Variants in SEL1L3 observed in about 807,000 individuals in gnomAD.
The protein encoded by SEL1L3 is protein sel-1 homolog 3.
In SEL1L3, 76 loss-of-function variants were observed where a neutral mutation model predicts 142.8. The ratio of observed to expected loss-of-function variants is 0.53; its 90% CI spans 0.44 to 0.64. The LOEUF (loss-of-function observed/expected upper bound fraction) is 0.64, where lower values mean the gene tolerates loss of function less well. Among genes scored for constraint, SEL1L3 ranks in the 30% least tolerant of loss-of-function variants. The pLI is 0.00. For synonymous variants in SEL1L3, 504 were observed against 519.6 expected (o/e 0.97, Z 0.41); for missense variants, 1,262 against 1,381.7 (o/e 0.91, Z 1.37).
intron 5 of SEL1L3, 134 bp downstream of exon 5, chr4:25,832,861 C>T (rs773044352): frequency 2.5e-4 from 147 of 599,648 alleles, no homozygotes; most frequent in Non-Finnish European, 3.6e-4. Flanking sequence ...ATTTAGCAAG[C>T]GTGTAGTTGT....
chr4:25,818,332 C>T, intron 8 of SEL1L3, 54 bp from the exon 9 acceptor site: 1 of 1,474,060 alleles, frequency 6.8e-7, no homozygotes, highest in Non-Finnish European at 9.1e-7. Context: ...AGATAAGACT[C>T]ACCTCCCTAA....
intron 9 of SEL1L3, among the ~76,000 whole-genome samples, chr4:25,808,964 T>C (rs780352268): frequency 3.3e-5 from 5 of 149,454 alleles, no homozygotes; most frequent in Non-Finnish European, 7.4e-5. Context: ...TCCCATCTAC[T>C]TGGGAGGGTG....
the SEL1L3 span, among the ~76,000 whole-genome samples, chr4:25,714,512 C>CT: frequency 1.5e-5 from 1 of 67,648 alleles, no homozygotes; most frequent in African/African-American, 4.1e-5. Flanking sequence ...TTCTTTCTTT[C>CT]TTTCTTTCTT....
In SEL1L3 at chr4:25,847,599, G is replaced by T. The variant is rs779434297; in HGVS notation, c.428C>A (p.Thr143Lys). 55 of 1,613,830 alleles carry T rather than the reference G, an allele frequency of 3.4e-5. No homozygotes were observed. The highest frequency in any genetic ancestry group is 6.7e-5 in the Admixed American group (4 of 60,002). ...KNEKHLHTSR[T>K]QIVHVKFPSI... ...TGGAAATTTCACATGTACTATTTGT[G>T]TCCTGCTGGTGTGAAGATGTTTCTC... The change falls in exon 2 of 24, where the codon ACA becomes AAA. Residue 143 changes from threonine (T) to lysine (K), a missense_variant. Around this residue, in one of 3 missense-constraint regions of SEL1L3, gnomAD observed 689 missense variants for 692.8 expected, o/e 0.99. Transcript: ENST00000399878.
the SEL1L3 span, among the ~76,000 whole-genome samples, chr4:25,727,571 C>T: frequency 6.6e-6 from 1 of 152,146 alleles, no homozygotes; most frequent in Non-Finnish European, 1.5e-5. Context: ...TCATATATAA[C>T]CAGTGTGGAA....
chr4:25,861,453 A>G (rs1717700504), intron 1 of SEL1L3, among the ~76,000 whole-genome samples: 1 of 152,242 alleles, frequency 6.6e-6, no homozygotes. Context: ...GCTTCAAGAA[A>G]TGAAACATTC....
intron 2 of SEL1L3, among the ~76,000 whole-genome samples, chr4:25,839,212 G>A (rs781481569): frequency 4.6e-5 from 7 of 152,190 alleles, no homozygotes; most frequent in Non-Finnish European, 1.0e-4. Context: ...ATAAAAACTC[G>A]ATTTTCTAGC....
the SEL1L3 span, among the ~76,000 whole-genome samples, chr4:25,740,553 T>C: frequency 7.2e-5 from 11 of 152,312 alleles, no homozygotes; most frequent in Admixed American, 5.2e-4. Flanking sequence ...CTGCTCCAGC[T>C]TGCTCTCTCA....
At chr4:25,736,047 T>C in the SEL1L3 span, among the ~76,000 whole-genome samples, 6 of 151,798 alleles carry the variant, frequency 4.0e-5, no homozygotes, top group Non-Finnish European at 7.4e-5. Context: ...GCCAGGATGG[T>C]CTCCATCTCC....
intron 16 of SEL1L3, among the ~76,000 whole-genome samples, chr4:25,778,672 C>G (rs1177442736): frequency 6.6e-6 from 1 of 152,138 alleles, no homozygotes; most frequent in East Asian, 1.9e-4. Flanking sequence ...AAGAAAACTA[C>G]ATCTTTATCC....
At chr4:25,739,703 CA>C in the SEL1L3 span, among the ~76,000 whole-genome samples, 1 of 114,516 alleles carries the variant, frequency 8.7e-6, no homozygotes, top group African/African-American at 3.5e-5. Context: ...GAGACTCCGT[CA>C]AAAAAAAACA....
chr4:25,822,153 G>C (rs373205384), intron 6 of SEL1L3, 25 bp from the exon 7 acceptor site: 524 of 1,613,338 alleles, frequency 3.2e-4, no homozygotes, highest in Non-Finnish European at 4.0e-4. Flanking sequence ...GAAGGATTAA[G>C]AGAGCTCCAT....
intron 6 of SEL1L3, among the ~76,000 whole-genome samples, chr4:25,828,369 C>A (rs1397632415): frequency 6.7e-6 from 1 of 150,336 alleles, no homozygotes; most frequent in African/African-American, 2.4e-5. Flanking sequence ...CAAGATTCTG[C>A]ATTTCTTTTC....
chr4:25,843,657 GCC>G (rs763832225), intron 2 of SEL1L3, among the ~76,000 whole-genome samples: 3 of 152,180 alleles, frequency 2.0e-5, no homozygotes, highest in Non-Finnish European at 4.4e-5. Context: ...GGCTACATAT[GCC>G]CCCCACACCC....
At chr4:25,799,758 G>A (rs988112210) in intron 11 of SEL1L3, among the ~76,000 whole-genome samples, 2 of 152,192 alleles carry the variant, frequency 1.3e-5, no homozygotes, top group Non-Finnish European at 2.9e-5. Context: ...GAGATGAGGA[G>A]GGATGTGTTT....
intron 19 of SEL1L3, 88 bp from the exon 20 acceptor site, chr4:25,765,523 GT>G: frequency 1.2e-6 from 1 of 808,642 alleles, no homozygotes; most frequent in Non-Finnish European, 2.1e-6. Flanking sequence ...ATGAATGCAA[GT>G]TTTTCCTATT....
At chr4:25,795,928 A>G (rs1202194684) in intron 11 of SEL1L3, among the ~76,000 whole-genome samples, 1 of 151,924 alleles carries the variant, frequency 6.6e-6, no homozygotes, top group African/African-American at 2.4e-5. Context: ...CTGGGAGAAA[A>G]AAAAAAAAAT....
At chr4:25,784,139 A>C in intron 14 of SEL1L3, 89 bp downstream of exon 14, 1 of 1,112,760 alleles carries the variant, frequency 9.0e-7, no homozygotes, top group Non-Finnish European at 1.4e-6. Flanking sequence ...CTTTGTAGGA[A>C]GAGGCTGGCC....
At chr4:25,748,623 C>G in intron 23 of SEL1L3, 59 bp from the exon 24 acceptor site, 1 of 1,552,080 alleles carries the variant, frequency 6.4e-7, no homozygotes, top group Non-Finnish European at 8.7e-7. Context: ...TCAGAATGTA[C>G]AACCACACCT....
Sources: gnomAD v4.1 joint callset for allele counts (sites outside exome capture counted in the v4.1 genomes callset) on GRCh38, gnomAD v4.1.1 for gene constraint, gnomAD v4.1.1 regional missense constraint, MANE v1.5 for transcripts, NCBI Gene and HGNC (gene_info 2026-07-23, HGNC 2026-07-21) for gene names.